PLGRKT: variants seen among roughly 807,000 people sequenced by gnomAD.
PLGRKT encodes plasminogen receptor (KT).
In PLGRKT, 22 loss-of-function variants were observed where a neutral mutation model predicts 18.5. The ratio of observed to expected loss-of-function variants is 1.19; its 90% CI spans 0.85 to 1.70. The LOEUF is 1.70. Among genes scored for constraint, PLGRKT ranks in the 40% most tolerant of loss-of-function variants. PLGRKT has a pLI of 0.00. For synonymous variants in PLGRKT, 72 were observed against 52.8 expected (o/e 1.36, Z -1.58); for missense variants, 235 against 174.4 (o/e 1.35, Z -1.96).
chr9:5,410,928 C>T (rs1372081630), intron 3 of PLGRKT, among the ~76,000 whole-genome samples: 1 of 151,988 alleles, frequency 6.6e-6, no homozygotes, highest in Non-Finnish European at 1.5e-5. Flanking sequence ...TTTACTTCAG[C>T]TTGATATAAT....
rs1018779704 is a variant in PLGRKT at position 5,397,664 on chromosome 9, T to C, written c.81+34233A>G. 3.4e-5 allele frequency among the ~76,000 whole-genome samples: 5 copies of C among 148,896 alleles called. 1 individual carries two copies. The highest frequency in any genetic ancestry group is 1.3e-4 in the African/African-American group (5 of 38,498). ...GAAGAAGGAAGCAAGCAATGGTCAG[T>C]GGCTTGGAGGCATCTGCCTAAACAC... On this transcript the variant is annotated intron_variant, in intron 3 of 5. Transcript: ENST00000223864.
At position 5,437,838 on chromosome 9, in the gene PLGRKT, C is replaced by A. The variant is rs956170977; in HGVS notation, c.-182G>T. On this transcript the variant is annotated 5_prime_UTR_variant, in exon 1 of 6. Transcript: ENST00000223864. ...GGCGACCGGTACGCAAACCTCCAGG[C>A]CCGGGCTCCTTTCGCCCGCTGCAGG... 1.3e-5 allele frequency: 2 copies of A among 152,290 alleles called. No homozygotes were observed. Among genetic ancestry groups the A allele is most frequent in the African/African-American group, 4.8e-5 (2 of 41,470 alleles). The allele number at this position is 152,290 out of a possible 1,614,324, so 9.4% of individuals were successfully genotyped here.
intron 3 of PLGRKT, among the ~76,000 whole-genome samples, chr9:5,390,216 CGTGTGTGT>C (rs71326160): frequency 6.8e-6 from 1 of 147,558 alleles, no homozygotes; most frequent in Non-Finnish European, 1.5e-5. Flanking sequence ...TATGTGTGTG[CGTGTGTGT>C]GTGTGTGTGT....
chr9:5,373,764 C>A (rs1436068745), intron 3 of PLGRKT, among the ~76,000 whole-genome samples: 2 of 151,124 alleles, frequency 1.3e-5, no homozygotes, highest in African/African-American at 2.4e-5. Context: ...GTGACTAGAG[C>A]AAGGCCCTGT....
chr9:5,437,575 T>C (rs976141992), intron 1 of PLGRKT: 1 of 152,256 alleles, frequency 6.6e-6, no homozygotes, highest in African/African-American at 2.4e-5. Context: ...TACGGAGAGA[T>C]CCGGAGTCCA....
intron 3 of PLGRKT, among the ~76,000 whole-genome samples, chr9:5,422,106 C>A (rs757070956): frequency 1.3e-5 from 2 of 152,084 alleles, no homozygotes; most frequent in Non-Finnish European, 2.9e-5. Flanking sequence ...CAACGAATGT[C>A]AAAGGAATGA....
intron 3 of PLGRKT, among the ~76,000 whole-genome samples, chr9:5,414,406 G>T (rs772868862): frequency 5.4e-4 from 82 of 152,268 alleles, no homozygotes; most frequent in Middle Eastern, 6.8e-3. Context: ...GACTCCAGGT[G>T]ATCTGCCTAC....
chr9:5,402,373 AG>A (rs1327574525), intron 3 of PLGRKT, among the ~76,000 whole-genome samples: 2 of 151,928 alleles, frequency 1.3e-5, no homozygotes, highest in African/African-American at 4.9e-5. Flanking sequence ...TTAGGCTAGA[AG>A]GGGAAGGGGA....
intron 2 of PLGRKT, 100 bp from the exon 3 acceptor site, chr9:5,432,083 A>T: frequency 1.6e-6 from 1 of 617,636 alleles, no homozygotes; most frequent in East Asian, 2.8e-5. Context: ...AAGTAAAAAA[A>T]AAAAGTAAAA....
At chr9:5,362,051 C>T (rs192964670) in intron 3 of PLGRKT, among the ~76,000 whole-genome samples, 163 bp from the exon 4 acceptor site, 3 of 152,332 alleles carry the variant, frequency 2.0e-5, no homozygotes, top group Admixed American at 2.0e-4. Flanking sequence ...GGACAGCTCT[C>T]ACCAACTGTC....
At chr9:5,386,949 T>A (rs1450808658) in intron 3 of PLGRKT, among the ~76,000 whole-genome samples, 7 of 151,932 alleles carry the variant, frequency 4.6e-5, no homozygotes. Context: ...GTGACCCATG[T>A]GGACAGCATG....
Position 5,361,908 on chromosome 9 carries a change from C to G in PLGRKT, c.82-20G>C. 6.2e-7 allele frequency: 1 copy of G among 1,606,102 alleles called. No individual in the cohort carries two copies. On this transcript the variant is annotated intron_variant, in intron 3 of 5. Coordinates refer to ENST00000223864, the MANE Select transcript of PLGRKT (RefSeq NM_018465.4). The stretch of plus-strand genomic sequence containing the variant: ...TTCCAGCTAAGGACAAAACAAAAGA[C>G]AAAGTAAAGTTACTCATCTTTGGAA...
intron 4 of PLGRKT, among the ~76,000 whole-genome samples, chr9:5,361,473 G>A (rs1817263058): frequency 6.6e-6 from 1 of 152,126 alleles, no homozygotes; most frequent in South Asian, 2.1e-4. Context: ...CTACCACTAA[G>A]GGATTGTGGA....
At chr9:5,371,769 A>G (rs1330663241) in intron 3 of PLGRKT, among the ~76,000 whole-genome samples, 2 of 152,066 alleles carry the variant, frequency 1.3e-5, no homozygotes, top group Non-Finnish European at 2.9e-5. Flanking sequence ...TTGAGTAAAA[A>G]CAATAAGGGT....
At chr9:5,395,613 A>C (rs1368101758) in intron 3 of PLGRKT, among the ~76,000 whole-genome samples, 1 of 151,972 alleles carries the variant, frequency 6.6e-6, no homozygotes, top group African/African-American at 2.4e-5. Context: ...ATGTTTAAAC[A>C]GTGCAAATTC....
intron 3 of PLGRKT, among the ~76,000 whole-genome samples, chr9:5,412,720 T>A (rs1371862155): frequency 1.3e-5 from 2 of 152,244 alleles, no homozygotes; most frequent in Non-Finnish European, 2.9e-5. Context: ...GGAAAAGCTT[T>A]CTACATCAAG....
chr9:5,431,793 A>G, intron 3 of PLGRKT, 104 bp downstream of exon 3: 1 of 644,150 alleles, frequency 1.6e-6, no homozygotes, highest in Middle Eastern at 2.7e-4. Context: ...CAGCCCAAAG[A>G]ACATTTTATT....
chr9:5,428,503 G>C (rs1188457606), intron 3 of PLGRKT, among the ~76,000 whole-genome samples: 1 of 152,156 alleles, frequency 6.6e-6, no homozygotes, highest in Non-Finnish European at 1.5e-5. Flanking sequence ...AATAATGATG[G>C]CTCTGAGTGG....
chr9:5,384,230 G>A (rs182545310), intron 3 of PLGRKT, among the ~76,000 whole-genome samples: 1 of 152,326 alleles, frequency 6.6e-6, no homozygotes, highest in East Asian at 1.9e-4. Context: ...CCTGAAGAGT[G>A]GCAAGTATGT....
Sources: gnomAD v4.1 joint callset for allele counts (sites outside exome capture counted in the v4.1 genomes callset) on GRCh38, gnomAD v4.1.1 for gene constraint, MANE v1.5 for transcripts, NCBI Gene and HGNC (gene_info 2026-07-23, HGNC 2026-07-21) for gene names.